LIPG: variants seen among roughly 807,000 people sequenced by gnomAD.
The protein encoded by LIPG is lipase G, endothelial type.
A neutral mutation model predicts 51.8 loss-of-function variants in LIPG; 34 were observed. That is an observed-to-expected ratio of 0.66 (90% CI 0.50 to 0.87). The LOEUF (loss-of-function observed/expected upper bound fraction) is 0.87. Among genes scored for constraint, LIPG ranks in the 40% least tolerant of loss-of-function variants. The pLI is 0.00. For synonymous variants in LIPG, 246 were observed against 246.1 expected (o/e 1.00, Z 0.00); for missense variants, 580 against 652.7 (o/e 0.89, Z 1.21).
intron 8 of LIPG, among the ~76,000 whole-genome samples, chr18:49,586,481 G>GCCAC (rs10639757): frequency 6.6e-6 from 1 of 151,614 alleles, no homozygotes; most frequent in African/African-American, 2.4e-5. Flanking sequence ...ATGGCCTTGA[G>GCCAC]AGGCAGGTGG....
At chr18:49,568,741 A>G (rs924393868) in intron 3 of LIPG, among the ~76,000 whole-genome samples, 4 of 152,176 alleles carry the variant, frequency 2.6e-5, no homozygotes, top group African/African-American at 7.2e-5. Flanking sequence ...GGGAGAAGGC[A>G]GGGCAGGGTA....
At chr18:49,569,654 C>A (rs768145270) in intron 4 of LIPG, 106 bp downstream of exon 4, 2 of 912,904 alleles carry the variant, frequency 2.2e-6, no homozygotes, top group Non-Finnish European at 3.5e-6. Context: ...TTGGAAGGAA[C>A]CTGGAAAGCA....
chr18:49,580,738 T>A (rs2084810370), intron 5 of LIPG, among the ~76,000 whole-genome samples: 1 of 152,246 alleles, frequency 6.6e-6, no homozygotes, highest in Non-Finnish European at 1.5e-5. Flanking sequence ...CTGATCCATT[T>A]GCAGCATTCT....
intron 9 of LIPG, among the ~76,000 whole-genome samples, chr18:49,588,174 C>G (rs985424014): frequency 1.2e-4 from 18 of 152,062 alleles, no homozygotes; most frequent in Admixed American, 8.5e-4. Flanking sequence ...TTCTGGCCAC[C>G]AGGTCAGGTT....
intron 6 of LIPG, 150 bp from the exon 7 acceptor site, chr18:49,582,212 A>G: frequency 1.1e-6 from 1 of 894,308 alleles, no homozygotes; most frequent in South Asian, 1.4e-5. Context: ...ATGGCATTGG[A>G]CAGAACAAGA....
At chr18:49,563,537 C>T (rs2084572618) in intron 1 of LIPG, among the ~76,000 whole-genome samples, 1 of 151,644 alleles carries the variant, frequency 6.6e-6, no homozygotes, top group Non-Finnish European at 1.5e-5. Context: ...ACTTACATTT[C>T]AGTGGTGGGA....
intron 4 of LIPG, among the ~76,000 whole-genome samples, chr18:49,573,552 C>A (rs533389476): frequency 6.6e-6 from 1 of 151,700 alleles, no homozygotes; most frequent in East Asian, 1.9e-4. Flanking sequence ...TGCACTCCAG[C>A]CTGGGTGACA....
At chr18:49,582,750 T>G (rs150399825) in intron 7 of LIPG, among the ~76,000 whole-genome samples, 2,012 of 152,346 alleles carry the variant, frequency 0.013, 22 homozygotes, top group Non-Finnish European at 0.02. Flanking sequence ...CTGGATCAGC[T>G]GGGCAGAAAC....
chr18:49,592,798 T>C lies in LIPG; in HGVS notation c.*2276T>C, dbSNP rs1405817078. 4 of 152,092 alleles carry C rather than the reference T, an allele frequency of 2.6e-5. No individual in the cohort carries two copies. Among genetic ancestry groups the C allele is most frequent in the Non-Finnish European group, 5.9e-5 (4 of 68,034 alleles). The allele number at this position is 152,092 out of a possible 1,614,324, so 9.4% of individuals were successfully genotyped here. A position where few individuals can be genotyped will look rare whatever the true frequency, so the allele number is the denominator to read the frequency against. The stretch of plus-strand genomic sequence containing the variant: ...TGCTATTTGGAAGACTATTTATTTC[T>C]CGTGTATATAATGTATATAAAAAAA... On this transcript the variant is annotated 3_prime_UTR_variant, in exon 10 of 10. Coordinates refer to ENST00000261292, the MANE Select transcript of LIPG (RefSeq NM_006033.4).
At chr18:49,585,202 C>G (rs1035436262) in intron 8 of LIPG, among the ~76,000 whole-genome samples, 1 of 152,186 alleles carries the variant, frequency 6.6e-6, no homozygotes, top group Non-Finnish European at 1.5e-5. Flanking sequence ...ACTGGGATTA[C>G]AGGTGTGTTG....
At chr18:49,576,466 T>C in intron 5 of LIPG, among the ~76,000 whole-genome samples, 1 of 61,938 alleles carries the variant, frequency 1.6e-5, no homozygotes, top group East Asian at 4.7e-4. Flanking sequence ...GCTTTTTTTT[T>C]TTTTTTTTTT....
chr18:49,562,352 A>T lies in LIPG; in HGVS notation c.44A>T (p.Tyr15Phe), dbSNP rs924885741. The change falls in exon 1 of 10, where the codon TAT (tyrosine) becomes TTT (phenylalanine). Residue 15 changes from tyrosine to phenylalanine, a missense_variant. Tyr to Phe is a conservative substitution (Grantham distance 22). Transcript: ENST00000261292. ...VPLLCFWSLC[Y>F]CFAAGSPVPF... Reference sequence around the variant, plus strand: ...CTGCTCTGTTTCTGGAGCCTCTGCTATTGCTTTGCTGCGGGGAGCCCCGTA... The same window carrying T: ...CTGCTCTGTTTCTGGAGCCTCTGCTTTTGCTTTGCTGCGGGGAGCCCCGTA... 3 of 1,613,336 alleles carry T rather than the reference A, an allele frequency of 1.9e-6. No individual in the cohort carries two copies. Among genetic ancestry groups the T allele is most frequent in the African/African-American group, 2.7e-5 (2 of 74,812 alleles).
chr18:49,590,576 C>T lies in LIPG; in HGVS notation c.*54C>T. 2 of 1,554,734 alleles carry T rather than the reference C, an allele frequency of 1.3e-6. No individual in the cohort carries two copies. The highest frequency in any genetic ancestry group is 4.7e-5 in the East Asian group (2 of 42,560). The stretch of plus-strand genomic sequence containing the variant: ...GCAGCAAGACTTCCTGCTATCCAAG[C>T]CCATGGAGGAAAGTTACTGCTGAGG... On this transcript the variant is annotated 3_prime_UTR_variant, in exon 10 of 10. Transcript: ENST00000261292.
At chr18:49,586,587 G>C (rs1438996930) in intron 8 of LIPG, among the ~76,000 whole-genome samples, 159 bp from the exon 9 acceptor site, 1 of 152,178 alleles carries the variant, frequency 6.6e-6, no homozygotes, top group East Asian at 1.9e-4. Context: ...ACAGGTTAGA[G>C]TCCCTGCAGT....
rs375524233 is a variant in LIPG at position 49,586,719 on chromosome 18, A to T, written c.1377-27A>T. 5.0e-4 allele frequency: 757 copies of T among 1,514,236 alleles called. 2 individuals are homozygous for T. Among genetic ancestry groups the T allele is most frequent in the Non-Finnish European group, 5.5e-4 (600 of 1,088,812 alleles). 93.8% of individuals were successfully genotyped at this position (1,514,236 alleles called of 1,614,324 possible). On this transcript the variant is annotated intron_variant, in intron 8 of 9. Transcript: ENST00000261292. ...CTGGATTCCCCCTAAAGTTCTGCCTACATCAGTGGTTTCTTTTCCCTCCTA... is the reference window on the plus strand; with the variant it reads ...CTGGATTCCCCCTAAAGTTCTGCCTTCATCAGTGGTTTCTTTTCCCTCCTA...
upstream of LIPG, chr18:49,561,553 C>T (rs2084549732): frequency 1.5e-6 from 1 of 669,638 alleles, no homozygotes; most frequent in Non-Finnish European, 2.1e-6. Flanking sequence ...CTGTTGCGGC[C>T]CTCGCTAGGC....
chr18:49,578,628 G>A (rs1228361483), intron 5 of LIPG, among the ~76,000 whole-genome samples: 43 of 151,714 alleles, frequency 2.8e-4, no homozygotes, highest in Non-Finnish European at 4.9e-4. Context: ...GGTGGCGGCC[G>A]GGCAGAGGCT....
In LIPG at chr18:49,582,342, T is replaced by C. The variant is rs200788399; in HGVS notation, c.1037-20T>C. 116 of 1,614,036 alleles carry C rather than the reference T, an allele frequency of 7.2e-5. No homozygotes were observed. The Middle Eastern group carries it at 1.3e-3, about 18-fold the overall frequency. On this transcript the variant is annotated intron_variant, in intron 6 of 9. Transcript: ENST00000261292. ...TGACAAGCAAGGGTTACAAGCATCT[T>C]TGTTCTGCTGTCACTGCAGTTTACC...
At chr18:49,577,413 A>G (rs1197813221) in intron 5 of LIPG, among the ~76,000 whole-genome samples, 1 of 125,964 alleles carries the variant, frequency 7.9e-6, no homozygotes, top group Non-Finnish European at 1.7e-5. Context: ...TCCCATGTCT[A>G]CTTCTTTCTA....
Sources: allele counts gnomAD v4.1 joint callset (sites outside exome capture counted in the v4.1 genomes callset), GRCh38; gene constraint gnomAD v4.1.1; transcripts MANE v1.5; gene names NCBI Gene and HGNC (gene_info 2026-07-23, HGNC 2026-07-21).